SPATA17: variants seen among roughly 807,000 people sequenced by gnomAD.
SPATA17 encodes spermatogenesis associated 17.
Under a neutral mutation model 62.2 loss-of-function variants are expected in SPATA17, and 53 were observed. The observed-to-expected ratio is 0.85, with a 90% CI of 0.68 to 1.07. The LOEUF is 1.07. Ranked by LOEUF, SPATA17 falls within the 50% of genes least tolerant of loss-of-function variation. The probability of loss-of-function intolerance (pLI) is 0.00; values close to 1 mark genes in which losing one functional copy is unlikely to be tolerated. For missense variants in SPATA17, 466 were observed against 425.5 expected (o/e 1.10, Z -0.84); for synonymous variants, 146 against 146.8 (o/e 0.99, Z 0.04).
chr1:217,734,281 A>T (rs752856812), intron 5 of SPATA17, among the ~76,000 whole-genome samples: 1 of 152,242 alleles, frequency 6.6e-6, no homozygotes, highest in Non-Finnish European at 1.5e-5. Flanking sequence ...ATTGTTAGAG[A>T]TGAAATGTAA....
At chr1:217,780,789 G>T (rs1346962722) in intron 7 of SPATA17, among the ~76,000 whole-genome samples, 1 of 152,048 alleles carries the variant, frequency 6.6e-6, no homozygotes, top group East Asian at 1.9e-4. Context: ...ACATGGTAAG[G>T]GTGTCACATT....
chr1:217,799,182 A>G (rs1411609852), intron 8 of SPATA17, among the ~76,000 whole-genome samples: 1 of 152,172 alleles, frequency 6.6e-6, no homozygotes, highest in Non-Finnish European at 1.5e-5. Flanking sequence ...ATACATGCAC[A>G]TATATATGTA....
At chr1:217,683,880 G>A (rs1365023386) in intron 5 of SPATA17, among the ~76,000 whole-genome samples, 1 of 151,914 alleles carries the variant, frequency 6.6e-6, no homozygotes, top group African/African-American at 2.4e-5. Context: ...TATGTGTGTA[G>A]TATCTTGTAT....
intron 9 of SPATA17, among the ~76,000 whole-genome samples, chr1:217,839,114 T>C (rs1006972605): frequency 1.3e-5 from 2 of 149,046 alleles, no homozygotes; most frequent in Non-Finnish European, 3.0e-5. Flanking sequence ...ACTACTCAAA[T>C]TGATTGAGTA....
intron 9 of SPATA17, among the ~76,000 whole-genome samples, chr1:217,859,538 G>A (rs1675856221): frequency 6.6e-6 from 1 of 151,956 alleles, no homozygotes; most frequent in South Asian, 2.1e-4. Flanking sequence ...TTCCTAAGTA[G>A]CTGGGACTAC....
At chr1:217,660,170 C>T (rs945550889) in intron 3 of SPATA17, among the ~76,000 whole-genome samples, 1 of 152,120 alleles carries the variant, frequency 6.6e-6, no homozygotes, top group Non-Finnish European at 1.5e-5. Context: ...CCTACGTATC[C>T]CTCAAGACTT....
chr1:217,674,056 A>T lies in SPATA17; in HGVS notation c.291+4973A>T, dbSNP rs190731512. Among the ~76,000 whole-genome samples, 203 of 152,274 alleles carry T rather than the reference A, an allele frequency of 1.3e-3. 1 individual carries two copies. Among genetic ancestry groups the T allele is most frequent in the South Asian group, 3.7e-3 (18 of 4,828 alleles). On this transcript the variant is annotated intron_variant, in intron 4 of 10. Transcript: ENST00000366933. ...AGGGGGAAAATAACCCAAGACCAAG[A>T]TTACATACATTCAGCCTCAACCTTG...
intron 3 of SPATA17, among the ~76,000 whole-genome samples, chr1:217,660,776 G>C (rs968500228): frequency 2.0e-5 from 3 of 152,190 alleles, no homozygotes; most frequent in African/African-American, 7.2e-5. Flanking sequence ...CACATGTAGT[G>C]TGAGTAAGAA....
intron 9 of SPATA17, among the ~76,000 whole-genome samples, chr1:217,829,832 G>T (rs1675091795): frequency 6.6e-6 from 1 of 151,652 alleles, no homozygotes; most frequent in Admixed American, 6.6e-5. Flanking sequence ...AGATATATAG[G>T]ATGAAAGTCC....
intron 3 of SPATA17, among the ~76,000 whole-genome samples, chr1:217,660,150 G>T (rs759506337): frequency 2.6e-5 from 4 of 152,066 alleles, no homozygotes; most frequent in African/African-American, 4.8e-5. Flanking sequence ...GCCTCTCATT[G>T]GTCTTATTTC....
intron 9 of SPATA17, among the ~76,000 whole-genome samples, chr1:217,838,893 T>C (rs571662810): frequency 3.3e-4 from 50 of 152,228 alleles, no homozygotes; most frequent in African/African-American, 1.2e-3. Context: ...ATCATAGAAG[T>C]ATATGAAATC....
intron 5 of SPATA17, among the ~76,000 whole-genome samples, chr1:217,739,226 A>C (rs1471293075): frequency 1.3e-5 from 2 of 152,180 alleles, no homozygotes; most frequent in African/African-American, 2.4e-5. Flanking sequence ...TATATGGTAG[A>C]AGACAGGATT....
chr1:217,743,444 T>C (rs183372758), intron 6 of SPATA17, among the ~76,000 whole-genome samples: 8 of 152,264 alleles, frequency 5.3e-5, no homozygotes, highest in African/African-American at 1.9e-4. Context: ...CCTTATTTCT[T>C]TAAATCTGAT....
In SPATA17 at chr1:217,705,430, C is replaced by CTTTTT. The variant is rs58138326; in HGVS notation, c.395+22093_395+22097dup. 6.7e-3 allele frequency among the ~76,000 whole-genome samples: 314 copies of CTTTTT among 46,626 alleles called. 101 individuals are homozygous for CTTTTT. The highest frequency in any genetic ancestry group is 9.1e-3 in the Non-Finnish European group (251 of 27,488). 30.6% of individuals were successfully genotyped at this position (46,626 alleles called of 152,430 possible). ...TTTATCTCAATTAGATTCTAGTTGTCTTTTTTTTTTTTTTTTTTTTTTTTT... is the reference window on the plus strand; with the variant it reads ...TTTATCTCAATTAGATTCTAGTTGTCTTTTTTTTTTTTTTTTTTTTTTTTTTTTTT... On this transcript the variant is annotated intron_variant, in intron 5 of 10. Transcript: ENST00000366933.
intron 5 of SPATA17, chr1:217,737,739 G>C (rs2102945387): frequency 6.6e-6 from 1 of 152,356 alleles, no homozygotes; most frequent in African/African-American, 2.4e-5. Flanking sequence ...AGGGAGGAAT[G>C]AGGCATTATG....
chr1:217,727,981 C>T (rs548439211), intron 5 of SPATA17, among the ~76,000 whole-genome samples: 1 of 152,270 alleles, frequency 6.6e-6, no homozygotes, highest in East Asian at 1.9e-4. Flanking sequence ...GCCTGGAGTA[C>T]ATTTTAAAAT....
At chr1:217,795,755 G>A (rs979498602) in intron 8 of SPATA17, among the ~76,000 whole-genome samples, 2 of 151,966 alleles carry the variant, frequency 1.3e-5, no homozygotes, top group East Asian at 1.9e-4. Flanking sequence ...TTTGGAATAC[G>A]GTGCTCTGGA....
intron 6 of SPATA17, among the ~76,000 whole-genome samples, chr1:217,742,949 A>AATATAT (rs10559433): frequency 0.014 from 2,083 of 146,122 alleles, 43 homozygotes; most frequent in African/African-American, 0.05. Flanking sequence ...TCCAAATTAA[A>AATATAT]ATATATATAT....
At chr1:217,781,193 A>G (rs1359534048) in intron 7 of SPATA17, 1 of 152,200 alleles carries the variant, frequency 6.6e-6, no homozygotes, top group East Asian at 1.9e-4. Context: ...ATAAGTGAAC[A>G]TAAATGAGGC....
Sources: allele counts gnomAD v4.1 joint callset (sites outside exome capture counted in the v4.1 genomes callset), GRCh38; gene constraint gnomAD v4.1.1; transcripts MANE v1.5; gene names NCBI Gene and HGNC (gene_info 2026-07-23, HGNC 2026-07-21).